Variants in CSMD2 observed in about 807,000 individuals in gnomAD.
CSMD2 encodes the protein CUB and Sushi multiple domains 2, also known as CUB and sushi domain-containing protein 2.
A neutral mutation model predicts 398.5 loss-of-function variants in CSMD2; 130 were observed. The observed-to-expected ratio is 0.33, with a 90% CI of 0.28 to 0.38. The LOEUF is 0.38. Among genes scored for constraint, CSMD2 ranks in the 10% least tolerant of loss-of-function variants. The pLI, the probability that CSMD2 is intolerant of heterozygous loss-of-function variation, is 1.00. For synonymous variants in CSMD2, 1,828 were observed against 1,908.5 expected, an observed-to-expected ratio of 0.96 and a Z score of 1.10; for missense variants, 3,829 against 4,764.9, an observed-to-expected ratio of 0.80 and a Z score of 5.78.
chr1:33,908,442 G>A (rs141102725), intron 5 of CSMD2, among the ~76,000 whole-genome samples: 23 of 152,372 alleles, frequency 1.5e-4, no homozygotes, highest in African/African-American at 5.3e-4. Flanking sequence ...GTCGAGGACA[G>A]CATTTTGTTC....
At chr1:33,974,061 C>T (rs995501029) in intron 3 of CSMD2, among the ~76,000 whole-genome samples, 3 of 152,196 alleles carry the variant, frequency 2.0e-5, no homozygotes, top group East Asian at 3.8e-4. Context: ...TGTAAACACA[C>T]ATCATTCATT....
chr1:34,012,688 A>T (rs1570806243), intron 3 of CSMD2, among the ~76,000 whole-genome samples: 1 of 152,224 alleles, frequency 6.6e-6, no homozygotes, highest in Admixed American at 6.5e-5. Flanking sequence ...TGTAAGCTCC[A>T]TAAGGACAGA....
chr1:33,553,156 C>G lies in CSMD2; in HGVS notation c.8744-2806G>C, dbSNP rs115953178. 4.4e-3 allele frequency among the ~76,000 whole-genome samples: 659 copies of G among 148,488 alleles called. 2 individuals are homozygous for G. The highest frequency in any genetic ancestry group is 7.8e-3 in the Non-Finnish European group (517 of 66,108). ...TTGTGTCTTGCTTTAGTGTGCTTTACAGATGTTGTTTTTTTTACAAATGAA... is the reference window on the plus strand; with the variant it reads ...TTGTGTCTTGCTTTAGTGTGCTTTAGAGATGTTGTTTTTTTTACAAATGAA... On this transcript the variant is annotated intron_variant, in intron 55 of 70. Transcript: ENST00000373381.
chr1:33,569,599 G>A (rs781246249), intron 51 of CSMD2, 52 bp from the exon 52 acceptor site: 6 of 1,564,998 alleles, frequency 3.8e-6, no homozygotes, highest in Non-Finnish European at 5.2e-6. Flanking sequence ...GAGGGACATG[G>A]CTGCTTCTGC....
intron 4 of CSMD2, among the ~76,000 whole-genome samples, chr1:33,929,223 C>T (rs1459786530): frequency 1.3e-5 from 2 of 152,086 alleles, no homozygotes; most frequent in African/African-American, 2.4e-5. Flanking sequence ...TACGCCTGTC[C>T]CTCCACCTCT....
At chr1:33,618,183 T>G (rs751195123) in intron 37 of CSMD2, among the ~76,000 whole-genome samples, 1 of 152,146 alleles carries the variant, frequency 6.6e-6, no homozygotes, top group Non-Finnish European at 1.5e-5. Flanking sequence ...TCTCCTGTTG[T>G]GTTTTCAAGG....
intron 3 of CSMD2, among the ~76,000 whole-genome samples, chr1:34,009,976 T>C (rs1275421125): frequency 2.6e-5 from 4 of 152,166 alleles, no homozygotes; most frequent in Non-Finnish European, 5.9e-5. Context: ...CATTCTCCCT[T>C]CAGCAGCCAG....
chr1:34,012,603 G>A lies in CSMD2; in HGVS notation c.517+19991C>T, dbSNP rs139731503. Among the ~76,000 whole-genome samples, 178 of 151,922 alleles carry A rather than the reference G, an allele frequency of 1.2e-3. 2 individuals carry two copies. Among genetic ancestry groups the A allele is most frequent in the African/African-American group, 4.0e-3 (165 of 41,444 alleles). ...ACTACAGGCATGCACCACCACGCCC[G>A]GCTAATGTTTGTAATTTTATTAAAG... On this transcript the variant is annotated intron_variant, in intron 3 of 70. Coordinates refer to ENST00000373381, the MANE Select transcript of CSMD2 (RefSeq NM_001281956.2).
intron 3 of CSMD2, among the ~76,000 whole-genome samples, chr1:33,960,666 A>G (rs1232249114): frequency 6.6e-6 from 1 of 152,186 alleles, no homozygotes; most frequent in Non-Finnish European, 1.5e-5. Flanking sequence ...CGCATTTCCC[A>G]TGGAAACAGA....
chr1:33,894,502 C>T (rs74069752), intron 5 of CSMD2, among the ~76,000 whole-genome samples: 3,650 of 152,222 alleles, frequency 0.024, 158 homozygotes, highest in African/African-American at 0.082. Context: ...CCTCAGCTCC[C>T]TCATTCCTTG....
At chr1:33,706,826 GTGTA>G (rs1276528180) in intron 22 of CSMD2, among the ~76,000 whole-genome samples, 18 of 150,494 alleles carry the variant, frequency 1.2e-4, no homozygotes, top group South Asian at 1.1e-3. Context: ...GTGCGTGCGT[GTGTA>G]TGTGTGTGTG....
intron 1 of CSMD2, among the ~76,000 whole-genome samples, chr1:34,090,339 T>C (rs1290295828): frequency 6.6e-6 from 1 of 152,280 alleles, no homozygotes; most frequent in South Asian, 2.1e-4. Context: ...ACCATACTCC[T>C]TTCCTGCTCC....
At chr1:33,651,748 C>T (rs1643765609) in intron 28 of CSMD2, among the ~76,000 whole-genome samples, 1 of 152,144 alleles carries the variant, frequency 6.6e-6, no homozygotes, top group South Asian at 2.1e-4. Flanking sequence ...TTGTTTGGAA[C>T]CAGGAGTTCG....
intron 4 of CSMD2, among the ~76,000 whole-genome samples, chr1:33,935,013 T>TAAAAAAAAAAAA (rs537683892): frequency 2.6e-4 from 11 of 42,238 alleles, no homozygotes; most frequent in African/African-American, 4.5e-4. Flanking sequence ...CAAATAAAAT[T>TAAAAAAAAAAAA]AAAAAAAAAA....
chr1:33,543,229 A>G (rs1466936285), intron 57 of CSMD2, among the ~76,000 whole-genome samples: 1 of 152,188 alleles, frequency 6.6e-6, no homozygotes. Context: ...TTTTTTTAAC[A>G]GTTGATTTGT....
At chr1:33,732,668 G>A (rs1007419358) in intron 15 of CSMD2, among the ~76,000 whole-genome samples, 20 of 152,184 alleles carry the variant, frequency 1.3e-4, no homozygotes, top group African/African-American at 3.1e-4. Context: ...ACTGTGTTAC[G>A]GCAGCCCAGG....
chr1:33,831,893 T>C (rs908531123), intron 6 of CSMD2, among the ~76,000 whole-genome samples: 5 of 151,494 alleles, frequency 3.3e-5, no homozygotes, highest in East Asian at 1.9e-4. Flanking sequence ...TTTAAACCAA[T>C]AAAGATCAAA....
At position 34,110,454 on chromosome 1, in the gene CSMD2, G is replaced by A. The variant is rs1045720599; in HGVS notation, c.188-21261C>T. Among the ~76,000 whole-genome samples the A allele has an allele frequency of 3.3e-5, 5 of 151,976 alleles. 1 individual carries two copies. Among genetic ancestry groups the A allele is most frequent in the Admixed American group, 1.3e-4 (2 of 15,274 alleles). ...CATGGAATCAACCTAAATGTCCATC[G>A]ATAGTAGGCTGGATAAAGAAAATAT... On this transcript the variant is annotated intron_variant, in intron 1 of 70. Coordinates refer to ENST00000373381, the MANE Select transcript of CSMD2 (RefSeq NM_001281956.2).
At chr1:34,100,231 G>A (rs1051847239) in intron 1 of CSMD2, among the ~76,000 whole-genome samples, 3 of 151,966 alleles carry the variant, frequency 2.0e-5, no homozygotes, top group Non-Finnish European at 2.9e-5. Context: ...ATGCACATAC[G>A]CAATGCAAGT....
Sources: gnomAD v4.1 joint callset for allele counts (sites outside exome capture counted in the v4.1 genomes callset) on GRCh38, gnomAD v4.1.1 for gene constraint, MANE v1.5 for transcripts, NCBI Gene and HGNC (gene_info 2026-07-23, HGNC 2026-07-21) for gene names.